The following PRKG1 variants were observed in gnomAD, a reference collection of about 807,000 sequenced individuals.
PRKG1 encodes the protein cGMP-dependent protein kinase 1.
In PRKG1, 35 loss-of-function variants were observed where a neutral mutation model predicts 88.1. That is an observed-to-expected ratio of 0.40 (90% CI 0.30 to 0.53). PRKG1 has a LOEUF of 0.53. PRKG1 is among the 20% of genes least tolerant of loss of function. The pLI, the probability that PRKG1 is intolerant of heterozygous loss-of-function variation, is 0.59. For missense variants in PRKG1, 540 were observed against 839.8 expected (o/e 0.64, Z 4.41); for synonymous variants, 303 against 292.5 (o/e 1.04, Z -0.37).
intron 2 of PRKG1, among the ~76,000 whole-genome samples, chr10:51,297,960 A>G (rs1047189012): frequency 6.6e-6 from 1 of 152,210 alleles, no homozygotes; most frequent in Middle Eastern, 3.4e-3. Context: ...ACTTGTTACT[A>G]TAAGTGATAT....
intron 9 of PRKG1, among the ~76,000 whole-genome samples, chr10:52,209,426 C>G (rs1398940622): frequency 6.6e-6 from 1 of 152,032 alleles, no homozygotes; most frequent in Non-Finnish European, 1.5e-5. Flanking sequence ...ATAAAATAGG[C>G]CCAGGCTGGA....
chr10:51,111,116 C>T (rs982241212), intron 1 of PRKG1, among the ~76,000 whole-genome samples: 3 of 151,988 alleles, frequency 2.0e-5, no homozygotes, highest in African/African-American at 7.2e-5. Context: ...TAGTGTAGGA[C>T]TGGAGAGGTT....
At chr10:51,352,736 G>A (rs73335663) in intron 2 of PRKG1, among the ~76,000 whole-genome samples, 7,013 of 151,832 alleles carry the variant, frequency 0.046, 555 homozygotes, top group African/African-American at 0.16. Flanking sequence ...TACTAATGCC[G>A]TCCTTCATAG....
rs1038135745 is a variant in PRKG1 at position 51,676,520 on chromosome 10, G to C, written c.593-128065G>C. 1.6e-4 allele frequency among the ~76,000 whole-genome samples: 24 copies of C among 151,356 alleles called. No individual in the cohort carries two copies. The East Asian group carries it at 4.5e-3, about 28-fold the overall frequency. Reference sequence around the variant, plus strand: ...CATTTTCCTCCCACTGTTAACCTGAGCAAAGAATGATCAAAAAGTATGTAG... The same window carrying C: ...CATTTTCCTCCCACTGTTAACCTGACCAAAGAATGATCAAAAAGTATGTAG... On this transcript the variant is annotated intron_variant, in intron 3 of 17. Transcript: ENST00000373980.
At chr10:51,091,390 T>A (rs1281175974) in intron 1 of PRKG1, among the ~76,000 whole-genome samples, 1 of 152,164 alleles carries the variant, frequency 6.6e-6, no homozygotes, top group Non-Finnish European at 1.5e-5. Context: ...CCTGCTCTAC[T>A]CCCAGGACCT....
At chr10:51,540,313 T>C (rs555715400) in intron 3 of PRKG1, among the ~76,000 whole-genome samples, 1 of 152,324 alleles carries the variant, frequency 6.6e-6, no homozygotes, top group African/African-American at 2.4e-5. Flanking sequence ...TTCTCTTTTA[T>C]GTTATTATAA....
intron 3 of PRKG1, chr10:51,698,006 C>T (rs754503962): frequency 6.2e-7 from 1 of 1,613,374 alleles, no homozygotes; most frequent in South Asian, 1.1e-5. Context: ...CATGCCTGTT[C>T]CTTGTATGCC....
intron 3 of PRKG1, among the ~76,000 whole-genome samples, chr10:51,675,769 T>A (rs2132357157): frequency 6.6e-6 from 1 of 152,318 alleles, no homozygotes; most frequent in Admixed American, 6.5e-5. Flanking sequence ...CCATGTAATA[T>A]TCCTAAAGAC....
At chr10:51,970,226 A>G (rs1282099347) in intron 5 of PRKG1, among the ~76,000 whole-genome samples, 1 of 151,916 alleles carries the variant, frequency 6.6e-6, no homozygotes, top group Admixed American at 6.6e-5. Flanking sequence ...AATGCTTTTC[A>G]ATTTTGAACT....
rs548004949 is a variant in PRKG1, at chr10:51,625,402, G to A, written c.592+157566G>A. On this transcript the variant is annotated intron_variant, in intron 3 of 17. Coordinates refer to ENST00000373980, the MANE Select transcript of PRKG1 (RefSeq NM_006258.4). ...TGAGGCAGGTGAATCACTTGAACCC[G>A]TGAGACAGAGGTTGCAGTGAGCTGA... Among the ~76,000 whole-genome samples the A allele has an allele frequency of 2.4e-4, 36 of 152,266 alleles. No homozygotes were observed. The South Asian group carries it at 3.1e-3, about 13-fold the overall frequency.
intron 4 of PRKG1, among the ~76,000 whole-genome samples, chr10:51,806,944 A>G (rs947098919): frequency 6.6e-6 from 1 of 152,038 alleles, no homozygotes; most frequent in Admixed American, 6.6e-5. Flanking sequence ...TTTGGACCCA[A>G]CTAAAAGCTG....
At chr10:52,220,970 C>G (rs1840231224) in intron 9 of PRKG1, among the ~76,000 whole-genome samples, 1 of 152,120 alleles carries the variant, frequency 6.6e-6, no homozygotes, top group Non-Finnish European at 1.5e-5. Flanking sequence ...TTTGAGGAAT[C>G]ACCACACTGC....
At chr10:51,189,316 A>G (rs758584598) in intron 2 of PRKG1, among the ~76,000 whole-genome samples, 2 of 151,958 alleles carry the variant, frequency 1.3e-5, no homozygotes, top group Non-Finnish European at 2.9e-5. Context: ...TATAAAACAA[A>G]CAGAAACATA....
At chr10:52,082,205 A>T (rs933217947) in intron 7 of PRKG1, among the ~76,000 whole-genome samples, 5 of 151,980 alleles carry the variant, frequency 3.3e-5, no homozygotes, top group African/African-American at 1.2e-4. Flanking sequence ...CAGGGTAACC[A>T]CCCCCATGAT....
At chr10:51,057,995 T>A (rs1300027365) in intron 1 of PRKG1, among the ~76,000 whole-genome samples, 1 of 152,132 alleles carries the variant, frequency 6.6e-6, no homozygotes, top group African/African-American at 2.4e-5. Context: ...GGATGAAAGT[T>A]CCTATTGTTC....
chr10:51,711,281 AT>A (rs572905471), intron 3 of PRKG1, among the ~76,000 whole-genome samples: 373 of 151,632 alleles, frequency 2.5e-3, no homozygotes, highest in Non-Finnish European at 3.5e-3. Flanking sequence ...AATTTTTTGT[AT>A]TTTTAATAGA....
intron 3 of PRKG1, among the ~76,000 whole-genome samples, chr10:51,684,967 A>T (rs1840949785): frequency 6.6e-6 from 1 of 152,170 alleles, no homozygotes; most frequent in Non-Finnish European, 1.5e-5. Flanking sequence ...TTGCCTCTAT[A>T]ATCCTAAAAC....
chr10:51,391,380 G>T (rs554811243), intron 2 of PRKG1, among the ~76,000 whole-genome samples: 2 of 152,164 alleles, frequency 1.3e-5, no homozygotes, highest in Non-Finnish European at 2.9e-5. Context: ...TTGCTAATCT[G>T]GTTGGTGGAA....
At chr10:51,777,535 C>G (rs989335254) in intron 3 of PRKG1, among the ~76,000 whole-genome samples, 1 of 152,060 alleles carries the variant, frequency 6.6e-6, no homozygotes, top group African/African-American at 2.4e-5. Flanking sequence ...TCCCTTCCCC[C>G]ACACATGCAT....
Sources: allele counts gnomAD v4.1 joint callset (sites outside exome capture counted in the v4.1 genomes callset), GRCh38; gene constraint gnomAD v4.1.1; transcripts MANE v1.5; gene names NCBI Gene and HGNC (gene_info 2026-07-23, HGNC 2026-07-21).